Variants in LYPLAL1 observed in about 807,000 individuals in gnomAD.
LYPLAL1 encodes the protein lysophospholipase-like protein 1.
Under a neutral mutation model 19.7 loss-of-function variants are expected in LYPLAL1, and 23 were observed. The observed-to-expected ratio is 1.17, with a 90% CI of 0.84 to 1.65. LYPLAL1 has a LOEUF of 1.65. LYPLAL1 is among the 40% of genes most tolerant of loss of function. LYPLAL1 has a pLI of 0.00. For missense variants in LYPLAL1, 355 were observed against 279.4 expected, an observed-to-expected ratio of 1.27 and a Z score of -1.93; for synonymous variants, 119 against 96.3, an observed-to-expected ratio of 1.24 and a Z score of -1.38.
chr1:219,389,108 A>G, the LYPLAL1 span, among the ~76,000 whole-genome samples: 1 of 152,250 alleles, frequency 6.6e-6, no homozygotes, highest in Non-Finnish European at 1.5e-5. Context: ...ATGAAAGAAT[A>G]TGATTGAAAA....
chr1:219,245,943 T>TGGA, the LYPLAL1 span, among the ~76,000 whole-genome samples: 7 of 152,206 alleles, frequency 4.6e-5, no homozygotes, highest in Non-Finnish European at 1.0e-4. Flanking sequence ...AGTTAGGAGA[T>TGGA]GGACCATCAT....
the LYPLAL1 span, among the ~76,000 whole-genome samples, chr1:219,263,484 A>T: frequency 1.3e-5 from 2 of 152,100 alleles, no homozygotes; most frequent in Non-Finnish European, 2.9e-5. Flanking sequence ...ACTGATGGCC[A>T]CTGCTCCTGT....
downstream of LYPLAL1, among the ~76,000 whole-genome samples, chr1:219,215,180 T>G (rs1322209684): frequency 6.6e-6 from 1 of 152,170 alleles, no homozygotes; most frequent in East Asian, 1.9e-4. Flanking sequence ...TTTCAGCTTT[T>G]GTGTCGATGA....
the LYPLAL1 span, chr1:219,442,750 G>T: frequency 6.6e-6 from 1 of 152,106 alleles, no homozygotes; most frequent in Non-Finnish European, 1.5e-5. Flanking sequence ...TCATAAAAGT[G>T]ACCACAGCTG....
At chr1:219,323,574 T>C in the LYPLAL1 span, among the ~76,000 whole-genome samples, 1 of 152,298 alleles carries the variant, frequency 6.6e-6, no homozygotes, top group East Asian at 1.9e-4. Flanking sequence ...CTCTCTCCTT[T>C]GAAGCTGGGC....
the LYPLAL1 span, among the ~76,000 whole-genome samples, chr1:219,390,954 CT>C: frequency 6.6e-6 from 1 of 152,026 alleles, no homozygotes; most frequent in African/African-American, 2.4e-5. Flanking sequence ...CTCTACAGTT[CT>C]TGTAACAAGA....
At position 219,179,067 on chromosome 1, in the gene LYPLAL1, G is replaced by A; in HGVS notation, c.92-80G>A. 5 of 886,366 alleles carry A rather than the reference G, an allele frequency of 5.6e-6. No homozygotes were observed. The South Asian group carries it at 9.0e-5, about 16-fold the overall frequency. 54.9% of individuals were successfully genotyped at this position (886,366 alleles called of 1,614,324 possible). ...AAATCCTTTATTCCATCCTCTGTGT[G>A]ACATAAAAGTTTTAGACTGCTTTGA... On this transcript the variant is annotated intron_variant, in intron 1 of 4. Transcript: ENST00000366928.
At chr1:219,410,773 C>T in the LYPLAL1 span, among the ~76,000 whole-genome samples, 1 of 152,240 alleles carries the variant, frequency 6.6e-6, no homozygotes, top group Non-Finnish European at 1.5e-5. Context: ...TGGCCCCGGG[C>T]AATGGGGGAC....
At chr1:219,257,363 T>TTG in the LYPLAL1 span, among the ~76,000 whole-genome samples, 2,370 of 149,774 alleles carry the variant, frequency 0.016, 45 homozygotes, top group Non-Finnish European at 0.023. Flanking sequence ...GTTTTTGTTT[T>TTG]TTTTTTTTTT....
intron 3 of LYPLAL1, among the ~76,000 whole-genome samples, chr1:219,203,569 C>T (rs1480876178): frequency 6.6e-6 from 1 of 152,158 alleles, no homozygotes; most frequent in Non-Finnish European, 1.5e-5. Context: ...GAGTTGGGAA[C>T]TGCTTTGTTG....
chr1:219,285,136 T>C, the LYPLAL1 span, among the ~76,000 whole-genome samples: 1 of 152,250 alleles, frequency 6.6e-6, no homozygotes, highest in Admixed American at 6.5e-5. Flanking sequence ...ATATTTGTCA[T>C]GAGTAAGTCT....
At chr1:219,353,660 T>G in the LYPLAL1 span, among the ~76,000 whole-genome samples, 3 of 152,148 alleles carry the variant, frequency 2.0e-5, no homozygotes, top group Non-Finnish European at 2.9e-5. Context: ...AACTGCCTAC[T>G]CAAATAAAAT....
At chr1:219,260,943 C>T in the LYPLAL1 span, among the ~76,000 whole-genome samples, 1 of 151,804 alleles carries the variant, frequency 6.6e-6, no homozygotes, top group Admixed American at 6.6e-5. Context: ...AGATTTCAAG[C>T]CGTTTATACT....
At chr1:219,298,611 A>G in the LYPLAL1 span, among the ~76,000 whole-genome samples, 1 of 152,228 alleles carries the variant, frequency 6.6e-6, no homozygotes, top group East Asian at 1.9e-4. Flanking sequence ...AAATTAGGGA[A>G]CATCATTTTG....
the LYPLAL1 span, among the ~76,000 whole-genome samples, chr1:219,360,231 A>C: frequency 1.3e-5 from 2 of 152,232 alleles, no homozygotes; most frequent in Non-Finnish European, 2.9e-5. Context: ...AAGTCCTTCC[A>C]AGTTCGGTAT....
At chr1:219,211,281 C>A (rs1659014254) in intron 4 of LYPLAL1, among the ~76,000 whole-genome samples, 1 of 152,084 alleles carries the variant, frequency 6.6e-6, no homozygotes, top group East Asian at 1.9e-4. Context: ...GTAAGTGACA[C>A]ACAGTTACAA....
intron 1 of LYPLAL1, among the ~76,000 whole-genome samples, chr1:219,175,703 C>G (rs1448129589): frequency 6.6e-6 from 1 of 152,172 alleles, no homozygotes; most frequent in Non-Finnish European, 1.5e-5. Flanking sequence ...TAAATCTCCA[C>G]TGAAGTAAAT....
chr1:219,175,185 T>G, intron 1 of LYPLAL1: 1 of 802,038 alleles, frequency 1.2e-6, no homozygotes, highest in Non-Finnish European at 1.5e-6. Context: ...TAGTGGCGGA[T>G]TTGGGATTAG....
chr1:219,178,212 G>T (rs1355988084), intron 1 of LYPLAL1, among the ~76,000 whole-genome samples: 1 of 152,220 alleles, frequency 6.6e-6, no homozygotes, highest in African/African-American at 2.4e-5. Flanking sequence ...CCAGTCAGTT[G>T]TGAATAAAAT....
Sources: gnomAD v4.1 joint callset for allele counts (sites outside exome capture counted in the v4.1 genomes callset) on GRCh38, gnomAD v4.1.1 for gene constraint, MANE v1.5 for transcripts, NCBI Gene and HGNC (gene_info 2026-07-23, HGNC 2026-07-21) for gene names.